Variants in TRDN observed in about 807,000 individuals in gnomAD.
TRDN encodes triadin in skeletal muscle.
TRDN carries 161 observed loss-of-function variants against 149.7 expected under a neutral mutation model. The observed-to-expected ratio is 1.08, with a 90% confidence interval of 0.95 to 1.23. The LOEUF (loss-of-function observed/expected upper bound fraction) is 1.23, where lower values mean the gene tolerates loss of function less well. Ranked by LOEUF, TRDN falls within the 50% of genes most tolerant of loss-of-function variation. The pLI is 0.00. For missense variants in TRDN, 896 were observed against 823.5 expected, an observed-to-expected ratio of 1.09 and a Z score of -1.08; for synonymous variants, 294 against 250.5, an observed-to-expected ratio of 1.17 and a Z score of -1.64.
intron 1 of TRDN, among the ~76,000 whole-genome samples, chr6:123,584,437 G>A (rs1326595796): frequency 6.6e-6 from 1 of 151,990 alleles, no homozygotes; most frequent in African/African-American, 2.4e-5. Context: ...GGACAGAAAG[G>A]CTACAGGGTG....
chr6:123,473,363 A>G (rs1777288162), intron 9 of TRDN, among the ~76,000 whole-genome samples: 2 of 151,906 alleles, frequency 1.3e-5, no homozygotes, highest in South Asian at 4.1e-4. Context: ...GATGAAATGA[A>G]TGAAATGAAG....
chr6:123,472,858 T>A (rs1777256677), intron 9 of TRDN, among the ~76,000 whole-genome samples: 1 of 152,072 alleles, frequency 6.6e-6, no homozygotes, highest in East Asian at 1.9e-4. Context: ...CGGCAGGGTA[T>A]TCCAACAGAC....
At position 123,521,808 on chromosome 6, in the gene TRDN, C is replaced by T. The variant is rs187322263; in HGVS notation, c.485-5602G>A. 4.6e-5 allele frequency among the ~76,000 whole-genome samples: 7 copies of T among 152,222 alleles called. No individual in the cohort carries two copies. The East Asian group carries it at 1.4e-3, about 29-fold the overall frequency. On this transcript the variant is annotated intron_variant, in intron 5 of 40. Coordinates refer to ENST00000334268, the MANE Select transcript of TRDN (RefSeq NM_006073.4). ...TTCCAGAAAACTGCAGACAGACTTACTCAACAACTGAGGTTGCCAAACCCC... is the reference window on the plus strand; with the variant it reads ...TTCCAGAAAACTGCAGACAGACTTATTCAACAACTGAGGTTGCCAAACCCC...
chr6:123,335,118 G>C (rs1779814060), intron 22 of TRDN, among the ~76,000 whole-genome samples: 1 of 151,622 alleles, frequency 6.6e-6, no homozygotes, highest in African/African-American at 2.4e-5. Flanking sequence ...AAATCTTATA[G>C]GTAATATTAA....
chr6:123,423,259 C>T (rs946370865), intron 12 of TRDN, among the ~76,000 whole-genome samples: 2 of 152,036 alleles, frequency 1.3e-5, no homozygotes, highest in East Asian at 1.9e-4. Flanking sequence ...ATGAAAGTTA[C>T]CCCTGCTTTT....
intron 12 of TRDN, among the ~76,000 whole-genome samples, chr6:123,411,052 T>C (rs1350169156): frequency 6.2e-5 from 9 of 145,302 alleles, no homozygotes; most frequent in African/African-American, 1.0e-4. Context: ...TTTCTTTCTT[T>C]TTTTTTTTTT....
chr6:123,465,603 AAGAG>A (rs66549999), intron 9 of TRDN, among the ~76,000 whole-genome samples: 40 of 131,674 alleles, frequency 3.0e-4, no homozygotes, highest in Non-Finnish European at 2.4e-4. Context: ...AAAAAAAAAA[AAGAG>A]AGAGAGAGAG....
chr6:123,305,083 T>C (rs1017639280), intron 24 of TRDN, among the ~76,000 whole-genome samples: 3 of 152,164 alleles, frequency 2.0e-5, no homozygotes, highest in Non-Finnish European at 4.4e-5. Context: ...AAAATACAAT[T>C]GAAAACATTG....
chr6:123,319,756 C>G (rs1416010196), intron 23 of TRDN, among the ~76,000 whole-genome samples: 1 of 152,112 alleles, frequency 6.6e-6, no homozygotes, highest in Admixed American at 6.6e-5. Context: ...AAATATGGAA[C>G]CAAAAAGTCC....
At chr6:123,317,685 T>C (rs1018919768) in intron 23 of TRDN, among the ~76,000 whole-genome samples, 72 of 151,976 alleles carry the variant, frequency 4.7e-4, no homozygotes, top group African/African-American at 1.7e-3. Flanking sequence ...TTTGTTATTG[T>C]CTGTAATCAC....
chr6:123,505,244 C>T (rs1391424450), intron 7 of TRDN, among the ~76,000 whole-genome samples: 1 of 77,054 alleles, frequency 1.3e-5, no homozygotes. Flanking sequence ...AACTCTGTCT[C>T]AAAAAAAAAA....
chr6:123,494,627 C>T (rs1041771175), intron 9 of TRDN, among the ~76,000 whole-genome samples: 2 of 152,150 alleles, frequency 1.3e-5, no homozygotes, highest in African/African-American at 4.8e-5. Flanking sequence ...CGTCTCATCT[C>T]ATATGTAAGT....
At chr6:123,559,976 G>T (rs1409315912) in intron 2 of TRDN, among the ~76,000 whole-genome samples, 2 of 152,068 alleles carry the variant, frequency 1.3e-5, no homozygotes, top group African/African-American at 4.8e-5. Context: ...AATTACCTGG[G>T]CTGTACTGCC....
At chr6:123,467,975 A>C (rs1038866728) in intron 9 of TRDN, among the ~76,000 whole-genome samples, 1 of 152,116 alleles carries the variant, frequency 6.6e-6, no homozygotes, top group African/African-American at 2.4e-5. Flanking sequence ...GCTTCAGTTA[A>C]GGTGTTTATA....
intron 40 of TRDN, among the ~76,000 whole-genome samples, chr6:123,220,886 T>G (rs572967964): frequency 5.3e-5 from 8 of 151,932 alleles, no homozygotes; most frequent in Middle Eastern, 3.4e-3. Flanking sequence ...AATACAGATT[T>G]AAAATTTATT....
chr6:123,632,773 C>G (rs997867334), intron 1 of TRDN, among the ~76,000 whole-genome samples: 1 of 151,788 alleles, frequency 6.6e-6, no homozygotes, highest in Non-Finnish European at 1.5e-5. Context: ...TAGGTTGGAT[C>G]GCCTCATAAT....
Position 123,241,852 on chromosome 6 carries a change from G to C in TRDN, c.1975+10560C>G, listed in dbSNP as rs1446333767. ...TTGATGAAGTGCTAATGGCAAAAAT[G>C]CTCCCCTATTCAAGAAAAAAAAAAT... On this transcript the variant is annotated intron_variant, in intron 38 of 40. Transcript: ENST00000334268. 1.4e-4 allele frequency among the ~76,000 whole-genome samples: 21 copies of C among 151,386 alleles called. No homozygotes were observed. In the South Asian group the frequency reaches 4.2e-3, roughly 30 times the overall value.
At chr6:123,478,194 C>A (rs10499124) in intron 9 of TRDN, among the ~76,000 whole-genome samples, 19,337 of 151,836 alleles carry the variant, frequency 0.13, 1,748 homozygotes, top group South Asian at 0.3. Flanking sequence ...TACCTGTTAC[C>A]ATAAATGACT....
chr6:123,322,857 T>C (rs1338980815), intron 23 of TRDN, among the ~76,000 whole-genome samples: 1 of 151,872 alleles, frequency 6.6e-6, no homozygotes, highest in African/African-American at 2.4e-5. Flanking sequence ...GCCAGGATGG[T>C]GTTGATCTCC....
Sources: allele counts gnomAD v4.1 joint callset (sites outside exome capture counted in the v4.1 genomes callset), GRCh38; gene constraint gnomAD v4.1.1; transcripts MANE v1.5; gene names NCBI Gene and HGNC (gene_info 2026-07-23, HGNC 2026-07-21).